DPP8: variants seen among roughly 807,000 people sequenced by gnomAD.
DPP8 encodes the protein dipeptidyl peptidase 8, also known as DPP VIII.
A neutral mutation model predicts 107.5 loss-of-function variants in DPP8; 31 were observed. That is an observed-to-expected ratio of 0.29 (90% CI 0.22 to 0.39). The LOEUF (loss-of-function observed/expected upper bound fraction) is 0.39, where lower values mean the gene tolerates loss of function less well. DPP8 is among the 10% of genes least tolerant of loss of function. DPP8 has a pLI of 1.00. For synonymous variants in DPP8, 381 were observed against 356.6 expected, an observed-to-expected ratio of 1.07 and a Z score of -0.77; for missense variants, 842 against 1,076.1, an observed-to-expected ratio of 0.78 and a Z score of 3.04.
At chr15:65,494,306 C>G (rs528361972) in intron 5 of DPP8, among the ~76,000 whole-genome samples, 2 of 151,840 alleles carry the variant, frequency 1.3e-5, no homozygotes, top group African/African-American at 4.8e-5. Flanking sequence ...GCCTGACTAT[C>G]CATGCTCAAG....
intron 12 of DPP8, among the ~76,000 whole-genome samples, chr15:65,468,117 T>A (rs1205905492): frequency 6.6e-6 from 1 of 152,176 alleles, no homozygotes; most frequent in Non-Finnish European, 1.5e-5. Context: ...TCACTTAATA[T>A]TCTTCTCAAA....
At chr15:65,485,306 G>C (rs2067299071) in intron 7 of DPP8, 146 bp from the exon 8 acceptor site, 1 of 584,494 alleles carries the variant, frequency 1.7e-6, no homozygotes, top group Non-Finnish European at 3.0e-6. Context: ...CACTTTGGCA[G>C]GTTGAGGCAG....
intron 19 of DPP8, among the ~76,000 whole-genome samples, chr15:65,449,201 C>T (rs1595837488): frequency 1.4e-5 from 2 of 142,016 alleles, no homozygotes; most frequent in African/African-American, 5.1e-5. Context: ...CAGAGCAAGT[C>T]TCCATCTCAA....
At chr15:65,451,665 C>G (rs908671125) in intron 18 of DPP8, among the ~76,000 whole-genome samples, 6 of 152,066 alleles carry the variant, frequency 3.9e-5, no homozygotes, top group Admixed American at 3.9e-4. Context: ...TGGCTCATGC[C>G]TGTAATCCCA....
intron 15 of DPP8, among the ~76,000 whole-genome samples, chr15:65,458,091 T>C (rs1489530687): frequency 6.6e-6 from 1 of 152,250 alleles, no homozygotes; most frequent in East Asian, 1.9e-4. Flanking sequence ...TCTCAATTGC[T>C]TGATATGAAC....
chr15:65,460,764 T>C (rs1487500740), intron 15 of DPP8, among the ~76,000 whole-genome samples: 1 of 152,242 alleles, frequency 6.6e-6, no homozygotes, highest in Non-Finnish European at 1.5e-5. Flanking sequence ...CTTTTGGCTA[T>C]TGTGCATAAT....
intron 19 of DPP8, among the ~76,000 whole-genome samples, chr15:65,448,123 C>G (rs1177010570): frequency 6.6e-6 from 1 of 152,096 alleles, no homozygotes; most frequent in East Asian, 1.9e-4. Flanking sequence ...GTAGCCCATT[C>G]CCTGTAGTCT....
chr15:65,499,705 C>T (rs993645332), intron 4 of DPP8, among the ~76,000 whole-genome samples: 1 of 151,166 alleles, frequency 6.6e-6, no homozygotes, highest in Non-Finnish European at 1.5e-5. Flanking sequence ...GCTGGGACTA[C>T]AGGCGCATGC....
At position 65,465,171 on chromosome 15, in the gene DPP8, T is replaced by C. The variant is rs865783280; in HGVS notation, c.1826-1265A>G. 3.4e-3 allele frequency among the ~76,000 whole-genome samples: 511 copies of C among 150,120 alleles called. 1 individual carries two copies. Among genetic ancestry groups the C allele is most frequent in the Middle Eastern group, 0.01 (3 of 290 alleles). On this transcript the variant is annotated intron_variant, in intron 14 of 19. Coordinates refer to ENST00000300141, the MANE Select transcript of DPP8 (RefSeq NM_130434.5). Reference sequence around the variant, plus strand: ...TTCTGTACTAATTTGTTTTTTCTTTTTTTTTTTTTTTTTTGAGACAGAGTT... The same window carrying C: ...TTCTGTACTAATTTGTTTTTTCTTTCTTTTTTTTTTTTTTGAGACAGAGTT...
chr15:65,468,552 A>G (rs2065565621), intron 12 of DPP8, among the ~76,000 whole-genome samples: 1 of 152,164 alleles, frequency 6.6e-6, no homozygotes, highest in South Asian at 2.1e-4. Context: ...ATAAATTTCT[A>G]AAAGCAAGTT....
At chr15:65,498,908 A>G (rs1036001101) in intron 4 of DPP8, among the ~76,000 whole-genome samples, 2 of 152,034 alleles carry the variant, frequency 1.3e-5, no homozygotes, top group Non-Finnish European at 2.9e-5. Context: ...TTTTTAAATT[A>G]GTAATTGGGT....
At position 65,446,769 on chromosome 15, in the gene DPP8, G is replaced by T; in HGVS notation, c.*115C>A. ...GGCACCACATTTATTTTCAGGAGTA[G>T]ATGTTACATGGCAGGTATCAAAATG... On this transcript the variant is annotated 3_prime_UTR_variant, in exon 20 of 20. Transcript: ENST00000300141. 9.3e-7 allele frequency: 1 copy of T among 1,073,996 alleles called. No homozygotes were observed. The highest frequency in any genetic ancestry group is 1.3e-6 in the Non-Finnish European group (1 of 767,790). The allele number at this position is 1,073,996 out of a possible 1,614,324, so 66.5% of individuals were successfully genotyped here.
Position 65,512,535 on chromosome 15 carries a change from T to C in DPP8, c.19A>G (p.Thr7Ala). 1 of 1,614,146 alleles carries C rather than the reference T, an allele frequency of 6.2e-7. No homozygotes were observed. The highest frequency in any genetic ancestry group is 2.2e-5 in the East Asian group (1 of 44,886). Residue 7 changes from threonine to alanine, a missense_variant, in exon 2 of 20, where the codon ACA becomes GCA. Around this residue, in one of 2 missense-constraint regions of DPP8, gnomAD observed 663 missense variants for 758.0 expected, o/e 0.87. Transcript: ENST00000300141. ...AATATCTCAACACCCAGCTGTTCTG[T>C]TTCCATTGCTGCTGCCATGTTGCAT... MAAAME[T>A]EQLGVEIFET...
chr15:65,457,820 G>A (rs754002769), intron 15 of DPP8, among the ~76,000 whole-genome samples: 2 of 151,360 alleles, frequency 1.3e-5, no homozygotes, highest in Non-Finnish European at 2.9e-5. Flanking sequence ...AAGAGATGGT[G>A]TCTCACTCTG....
chr15:65,476,914 C>T (rs556973309), intron 11 of DPP8, among the ~76,000 whole-genome samples: 1 of 152,070 alleles, frequency 6.6e-6, no homozygotes, highest in African/African-American at 2.4e-5. Flanking sequence ...AACTTGAGGA[C>T]ATTATGCTAC....
intron 4 of DPP8, among the ~76,000 whole-genome samples, chr15:65,499,705 C>G (rs993645332): frequency 6.6e-6 from 1 of 151,166 alleles, no homozygotes; most frequent in African/African-American, 2.4e-5. Flanking sequence ...GCTGGGACTA[C>G]AGGCGCATGC....
At chr15:65,462,078 C>T (rs1233640553) in intron 15 of DPP8, among the ~76,000 whole-genome samples, 1 of 152,152 alleles carries the variant, frequency 6.6e-6, no homozygotes, top group Non-Finnish European at 1.5e-5. Context: ...GAGCAATTCT[C>T]CTGCCTCAGT....
intron 3 of DPP8, among the ~76,000 whole-genome samples, chr15:65,503,138 T>C (rs905755366): frequency 1.3e-5 from 2 of 152,216 alleles, no homozygotes; most frequent in African/African-American, 2.4e-5. Flanking sequence ...GATGGAGCCT[T>C]GCTCTGCTGC....
intron 18 of DPP8, among the ~76,000 whole-genome samples, chr15:65,451,404 AT>A (rs2063966374): frequency 1.3e-5 from 2 of 152,174 alleles, no homozygotes; most frequent in Admixed American, 1.3e-4. Context: ...CAGACATAAA[AT>A]TTTTTCCACC....
Sources: allele counts gnomAD v4.1 joint callset (sites outside exome capture counted in the v4.1 genomes callset), GRCh38; gene constraint gnomAD v4.1.1; regional missense constraint gnomAD v4.1.1; transcripts MANE v1.5; gene names NCBI Gene and HGNC (gene_info 2026-07-23, HGNC 2026-07-21).